ADGRB1: variants seen among roughly 807,000 people sequenced by gnomAD.
ADGRB1 encodes brain-specific angiogenesis inhibitor 1.
Under a neutral mutation model 175.7 loss-of-function variants are expected in ADGRB1, and 36 were observed. That is an observed-to-expected ratio of 0.20 (90% CI 0.16 to 0.27). ADGRB1 has a LOEUF of 0.27. Among genes scored for constraint, ADGRB1 ranks in the 10% least tolerant of loss-of-function variants. ADGRB1 has a pLI of 1.00. For missense variants in ADGRB1, 1,731 were observed against 2,255.3 expected (o/e 0.77, Z 4.71); for synonymous variants, 1,054 against 979.4 (o/e 1.08, Z -1.42).
chr8:142,500,229 TCCTCC>T (rs1422334055), intron 17 of ADGRB1, among the ~76,000 whole-genome samples: 1 of 75,512 alleles, frequency 1.3e-5, no homozygotes, highest in African/African-American at 4.7e-5. Flanking sequence ...CCCGCGCCGC[TCCTCC>T]ACCTCCCCAC....
At position 142,475,568 on chromosome 8, in the gene ADGRB1, C is replaced by T; in HGVS notation, c.879C>T (p.Gly293=). 7.9e-7 allele frequency: 1 copy of T among 1,269,840 alleles called. No homozygotes were observed. The highest frequency in any genetic ancestry group is 9.9e-7 in the Non-Finnish European group (1 of 1,008,354). 78.7% of individuals were successfully genotyped at this position (1,269,840 alleles called of 1,614,324 possible). ...CGCGCACCTGCCTGCCCGCGCCGGG[C>T]GTGGAGGGCGGCGGCTGCGAGGGGG... ...TRTRTCLPAP[G]VEGGGCEGVL... is the part of the protein sequence containing the mutation. Residue 293 remains glycine, a synonymous_variant, in exon 3 of 31, where the codon GGC becomes GGT. Coordinates refer to ENST00000517894, the MANE Select transcript of ADGRB1 (RefSeq NM_001702.3).
chr8:142,521,499 A>C (rs1355953272), intron 20 of ADGRB1, among the ~76,000 whole-genome samples: 1 of 152,214 alleles, frequency 6.6e-6, no homozygotes, highest in Non-Finnish European at 1.5e-5. Flanking sequence ...AGAGAAAATA[A>C]AGCAAGAGGG....
intron 25 of ADGRB1, among the ~76,000 whole-genome samples, chr8:142,534,059 C>G (rs571735763): frequency 6.6e-6 from 1 of 152,182 alleles, no homozygotes; most frequent in African/African-American, 2.4e-5. Flanking sequence ...CCTGGAGAGA[C>G]GGCAGAGGGG....
At position 142,492,553 on chromosome 8, in the gene ADGRB1, G is replaced by A. The variant is rs115494562; in HGVS notation, c.2675+1738G>A. Among the ~76,000 whole-genome samples the A allele has an allele frequency of 5.0e-3, 755 of 152,284 alleles. 5 individuals carry two copies. The highest frequency in any genetic ancestry group is 0.017 in the African/African-American group (687 of 41,554). On this transcript the variant is annotated intron_variant, in intron 17 of 30. Transcript: ENST00000517894. This position sits in a 1 kb window ranked among gnomAD's most constrained non-coding sequence, Gnocchi z 4.4. ...GTGTGAGTGTCTGGGGATGAGCGTC[G>A]CAGGGGAAGGAGCAGCCGGGGCAAA...
chr8:142,503,827 G>C (rs1011141701), intron 17 of ADGRB1, among the ~76,000 whole-genome samples: 1 of 152,174 alleles, frequency 6.6e-6, no homozygotes. Flanking sequence ...CCAGCCCAGG[G>C]GTATCCCATG....
chr8:142,475,648 G>A lies in ADGRB1; in HGVS notation c.946+13G>A. 1 of 1,228,298 alleles carries A rather than the reference G, an allele frequency of 8.1e-7. No homozygotes were observed. The highest frequency in any genetic ancestry group is 1.0e-6 in the Non-Finnish European group (1 of 985,648). 76.1% of individuals were successfully genotyped at this position (1,228,298 alleles called of 1,614,324 possible). A position where few individuals can be genotyped will look rare whatever the true frequency, so the allele number is the denominator to read the frequency against. ...GAGGCCTGCGGCCGTGAGTGCGGGC[G>A]GGGCGGGGCGGAGCCGGAGCCCTGG... On this transcript the variant is annotated intron_variant, in intron 3 of 30. Coordinates refer to ENST00000517894, the MANE Select transcript of ADGRB1 (RefSeq NM_001702.3).
intron 13 of ADGRB1, among the ~76,000 whole-genome samples, chr8:142,485,280 G>T (rs1841609607): frequency 6.6e-6 from 1 of 152,202 alleles, no homozygotes; most frequent in Non-Finnish European, 1.5e-5. Context: ...GGGGTAAAAG[G>T]TGGCTGTCAT....
rs1587254921 is a variant in ADGRB1 at position 142,464,113 on chromosome 8, T to C, written c.-86T>C. Reference sequence around the variant, plus strand: ...CTCCCTGCCCCCACCGGGCCGGCCCTGCCCGCCGCCGGACCCTGGCATGTC... The same window carrying C: ...CTCCCTGCCCCCACCGGGCCGGCCCCGCCCGCCGCCGGACCCTGGCATGTC... On this transcript the variant is annotated 5_prime_UTR_variant, in exon 2 of 31. Coordinates refer to ENST00000517894, the MANE Select transcript of ADGRB1 (RefSeq NM_001702.3). 5.5e-6 allele frequency: 3 copies of C among 544,810 alleles called. No homozygotes were observed. Among genetic ancestry groups the C allele is most frequent in the Non-Finnish European group, 7.0e-6 (3 of 428,286 alleles). 33.7% of individuals were successfully genotyped at this position (544,810 alleles called of 1,614,324 possible).
chr8:142,459,174 G>C (rs997297314), intron 1 of ADGRB1, among the ~76,000 whole-genome samples: 1 of 152,224 alleles, frequency 6.6e-6, no homozygotes, highest in African/African-American at 2.4e-5. Context: ...CCTGACTGCT[G>C]CATGGAACAC....
chr8:142,478,246 T>C lies in ADGRB1; in HGVS notation c.1447T>C (p.Cys483Arg). 6.2e-7 allele frequency: 1 copy of C among 1,609,406 alleles called. No homozygotes were observed. The highest frequency in any genetic ancestry group is 8.5e-7 in the Non-Finnish European group (1 of 1,178,556). The change falls in exon 7 of 31, where the codon TGC becomes CGC. Residue 483 changes from cysteine (C) to arginine (R), a missense_variant. Physicochemically the swap from Cys to Arg is radical, Grantham distance 180. Around this residue, in one of 8 missense-constraint regions of ADGRB1, gnomAD observed 388 missense variants for 630.9 expected, o/e 0.61. Coordinates refer to ENST00000517894, the MANE Select transcript of ADGRB1 (RefSeq NM_001702.3). ...GAGCTGGAGCGCCTGCTCCGCCAGCTGCTCCCAGGGCCGACAGCAGCGCAC... is the reference window on the plus strand; with the variant it reads ...GAGCTGGAGCGCCTGCTCCGCCAGCCGCTCCCAGGGCCGACAGCAGCGCAC... ...WSSWSACSAS[C>R]SQGRQQRTRE...
In ADGRB1 at chr8:142,490,840, C is replaced by T. The variant is rs773563205; in HGVS notation, c.2675+25C>T. 19 of 1,567,760 alleles carry T rather than the reference C, an allele frequency of 1.2e-5. 2 individuals are homozygous for T. The South Asian group carries it at 1.3e-4, about 11-fold the overall frequency. On this transcript the variant is annotated intron_variant, in intron 17 of 30. Transcript: ENST00000517894. ...TGTAAGTTCACTTGGATTTCATGGC[C>T]GTGGGGGTCTGGGGTGGGGTTCGTG... is the stretch of plus-strand genomic sequence containing the variant.
chr8:142,484,854 G>C (rs1457432933), intron 13 of ADGRB1, 90 bp downstream of exon 13: 1 of 1,014,210 alleles, frequency 9.9e-7, no homozygotes. Context: ...TCTGTATAAA[G>C]GGGCAGTGAC....
At chr8:142,471,406 G>T (rs1372698788) in intron 2 of ADGRB1, among the ~76,000 whole-genome samples, 2 of 152,242 alleles carry the variant, frequency 1.3e-5, no homozygotes, top group Non-Finnish European at 2.9e-5. Flanking sequence ...GACAACCGGG[G>T]TCGGGGCCCG....
At chr8:142,523,738 G>A (rs868651122) in intron 22 of ADGRB1, among the ~76,000 whole-genome samples, 1 of 148,690 alleles carries the variant, frequency 6.7e-6, no homozygotes, top group Non-Finnish European at 1.5e-5. Flanking sequence ...CACCACAGGT[G>A]GTGTCCAGAG....
At chr8:142,501,693 A>C (rs1842557820) in intron 17 of ADGRB1, among the ~76,000 whole-genome samples, 1 of 65,536 alleles carries the variant, frequency 1.5e-5, no homozygotes, top group Non-Finnish European at 3.1e-5. Flanking sequence ...TTGACGATGG[A>C]GGTGGGGTGG....
chr8:142,483,933 G>C (rs771609132), intron 11 of ADGRB1, 44 bp from the exon 12 acceptor site: 2 of 1,598,888 alleles, frequency 1.3e-6, no homozygotes, highest in Admixed American at 3.4e-5. Flanking sequence ...CGGTGATTTT[G>C]TGCCCTGTTC....
Position 142,464,217 on chromosome 8 carries a change from G to T in ADGRB1, c.19G>T (p.Ala7Ser), listed in dbSNP as rs1229573380. 3 of 1,291,790 alleles carry T rather than the reference G, an allele frequency of 2.3e-6. No homozygotes were observed. The highest frequency in any genetic ancestry group is 2.9e-6 in the Non-Finnish European group (3 of 1,026,198). 80.0% of individuals were successfully genotyped at this position (1,291,790 alleles called of 1,614,324 possible). A position where few individuals can be genotyped will look rare whatever the true frequency, so the allele number is the denominator to read the frequency against. ...AGCTAGGATGAGGGGCCAGGCCGCC[G>T]CCCCGGGCCCCGTCTGGATCCTCGC... MRGQAAAPGPVWILAPL... is the reference protein window; with the variant it reads MRGQAASPGPVWILAPL... The change falls in exon 2 of 31, where the codon GCC (alanine) becomes TCC (serine). Residue 7 changes from alanine to serine, a missense_variant. By Grantham distance (99) the Ala-to-Ser change is moderately conservative. Coordinates refer to ENST00000517894, the MANE Select transcript of ADGRB1 (RefSeq NM_001702.3).
intron 13 of ADGRB1, among the ~76,000 whole-genome samples, chr8:142,487,395 G>T (rs1211210587): frequency 6.6e-6 from 1 of 152,010 alleles, no homozygotes; most frequent in Admixed American, 6.5e-5. Context: ...CTGCCCCTCC[G>T]CTCACTGGGT....
At chr8:142,478,391 G>A in intron 7 of ADGRB1, 31 bp downstream of exon 7, 3 of 1,558,004 alleles carry the variant, frequency 1.9e-6, no homozygotes, top group African/African-American at 1.4e-5. Flanking sequence ...GGGTCGGGGG[G>A]CACCTAACAA....
Sources: gnomAD v4.1 joint callset for allele counts (sites outside exome capture counted in the v4.1 genomes callset) on GRCh38, gnomAD v4.1.1 for gene constraint, gnomAD v4.1.1 regional missense constraint, Gnocchi (gnomAD v3.1) non-coding constraint, MANE v1.5 for transcripts, NCBI Gene and HGNC (gene_info 2026-07-23, HGNC 2026-07-21) for gene names.